The following EPHA3 variants were observed in gnomAD, a reference collection of about 807,000 sequenced individuals.
EPHA3 encodes the protein ephrin type-A receptor 3.
Under a neutral mutation model 107.1 loss-of-function variants are expected in EPHA3, and 42 were observed. The observed-to-expected ratio is 0.39, with a 90% CI of 0.31 to 0.51. EPHA3 has a LOEUF of 0.51. EPHA3 is among the 20% of genes least tolerant of loss of function. The pLI, the probability that EPHA3 is intolerant of heterozygous loss-of-function variation, is 0.78. For missense variants in EPHA3, 1,183 were observed against 1,211.2 expected (o/e 0.98, Z 0.35); for synonymous variants, 461 against 424.8 (o/e 1.09, Z -1.05).
intron 3 of EPHA3, among the ~76,000 whole-genome samples, chr3:89,225,174 T>G (rs1704474655): frequency 6.6e-6 from 1 of 152,176 alleles, no homozygotes; most frequent in African/African-American, 2.4e-5. Flanking sequence ...TTGCTATTAT[T>G]TATTCACTGG....
intron 9 of EPHA3, 45 bp downstream of exon 9, chr3:89,408,176 C>A: frequency 7.0e-6 from 11 of 1,580,806 alleles, no homozygotes; most frequent in Non-Finnish European, 9.5e-6. Context: ...ACCGTTTTAG[C>A]TTTAGCAGTT....
chr3:89,266,237 C>G (rs1705536127), intron 3 of EPHA3, among the ~76,000 whole-genome samples: 1 of 152,070 alleles, frequency 6.6e-6, no homozygotes, highest in South Asian at 2.1e-4. Flanking sequence ...CTGAAACCTA[C>G]AGTTCAAGTC....
At chr3:89,109,112 T>C (rs543485579) in intron 1 of EPHA3, among the ~76,000 whole-genome samples, 1 of 152,156 alleles carries the variant, frequency 6.6e-6, no homozygotes, top group Non-Finnish European at 1.5e-5. Flanking sequence ...CAGTAATTTA[T>C]CTCCTTCCTT....
chr3:89,434,203 ATTAT>A (rs550736069), intron 13 of EPHA3, among the ~76,000 whole-genome samples: 9 of 151,962 alleles, frequency 5.9e-5, no homozygotes, highest in Non-Finnish European at 8.8e-5. Flanking sequence ...GCCATATTAA[ATTAT>A]TTATTTATTT....
chr3:89,349,948 A>T (rs1314212836), intron 5 of EPHA3, among the ~76,000 whole-genome samples: 2 of 147,396 alleles, frequency 1.4e-5, no homozygotes. Flanking sequence ...ATTGGCCCCC[A>T]CTCTCTTCTG....
intron 3 of EPHA3, among the ~76,000 whole-genome samples, chr3:89,233,006 T>C (rs1447666907): frequency 1.3e-5 from 2 of 152,122 alleles, no homozygotes; most frequent in Non-Finnish European, 2.9e-5. Context: ...CCAAAAATAG[T>C]CAAGTTGAGG....
chr3:89,445,534 A>C (rs1043308268), intron 13 of EPHA3, among the ~76,000 whole-genome samples: 1 of 152,188 alleles, frequency 6.6e-6, no homozygotes, highest in Admixed American at 6.5e-5. Context: ...TAAATTACGG[A>C]AACATTTAAA....
chr3:89,384,755 T>C (rs1210457047), intron 5 of EPHA3, among the ~76,000 whole-genome samples: 1 of 152,172 alleles, frequency 6.6e-6, no homozygotes, highest in Admixed American at 6.5e-5. Flanking sequence ...TCATATGATA[T>C]ATGTAAAGAA....
chr3:89,472,134 C>T (rs1183067143), intron 15 of EPHA3, among the ~76,000 whole-genome samples: 1 of 152,096 alleles, frequency 6.6e-6, no homozygotes, highest in Non-Finnish European at 1.5e-5. Context: ...CTACTGTAAC[C>T]GTATCCTAAA....
chr3:89,208,771 A>G (rs1475409040), intron 2 of EPHA3, among the ~76,000 whole-genome samples: 2 of 152,188 alleles, frequency 1.3e-5, no homozygotes, highest in African/African-American at 2.4e-5. Context: ...AAAAATTAAC[A>G]TGTGGTTTAG....
At chr3:89,231,201 G>A (rs2107225203) in intron 3 of EPHA3, among the ~76,000 whole-genome samples, 1 of 152,080 alleles carries the variant, frequency 6.6e-6, no homozygotes, top group Middle Eastern at 3.4e-3. Context: ...CTATTTACCT[G>A]CCATTTCTCT....
chr3:89,146,986 C>A (rs9843199), intron 2 of EPHA3, among the ~76,000 whole-genome samples: 35,314 of 151,646 alleles, frequency 0.23, 4,232 homozygotes, highest in Middle Eastern at 0.33. Flanking sequence ...TATATATACA[C>A]AATGGAATAC....
intron 3 of EPHA3, among the ~76,000 whole-genome samples, chr3:89,267,510 C>T (rs1021732409): frequency 2.6e-5 from 4 of 152,104 alleles, no homozygotes; most frequent in Admixed American, 2.0e-4. Context: ...CAAGTCACAG[C>T]CCTGCCATTC....
chr3:89,278,493 C>T (rs1250176699), intron 3 of EPHA3, among the ~76,000 whole-genome samples: 1 of 152,166 alleles, frequency 6.6e-6, no homozygotes, highest in Non-Finnish European at 1.5e-5. Flanking sequence ...TCCAGTGTTT[C>T]ATGGGGCGAA....
intron 5 of EPHA3, among the ~76,000 whole-genome samples, chr3:89,366,390 A>G (rs2107464580): frequency 6.6e-6 from 1 of 150,930 alleles, no homozygotes; most frequent in East Asian, 2.0e-4. Flanking sequence ...ACCATTGATC[A>G]AGATCAAAAA....
chr3:89,420,516 T>C, intron 11 of EPHA3, among the ~76,000 whole-genome samples: 1 of 151,516 alleles, frequency 6.6e-6, no homozygotes, highest in Middle Eastern at 3.2e-3. Flanking sequence ...GCTTTTTATT[T>C]GTTTGCCTAT....
intron 1 of EPHA3, among the ~76,000 whole-genome samples, chr3:89,108,648 A>G (rs1021991555): frequency 7.2e-5 from 11 of 152,322 alleles, no homozygotes; most frequent in African/African-American, 2.2e-4. Flanking sequence ...CCTTGTAATG[A>G]GCATTAATTC....
rs1371960146 is a variant in EPHA3 at position 89,211,802 on chromosome 3, T to C, written c.814+1282T>C. 7.6e-3 allele frequency among the ~76,000 whole-genome samples: 722 copies of C among 95,252 alleles called. 8 individuals are homozygous for C. Among genetic ancestry groups the C allele is most frequent in the African/African-American group, 0.025 (536 of 21,362 alleles). 62.5% of individuals were successfully genotyped at this position (95,252 alleles called of 152,430 possible). A position where few individuals can be genotyped will look rare whatever the true frequency, so the allele number is the denominator to read the frequency against. On this transcript the variant is annotated intron_variant, in intron 3 of 16. Coordinates refer to ENST00000336596, the MANE Select transcript of EPHA3 (RefSeq NM_005233.6). ...TTCTTCTTCTTCTTCTTCTTCTTCT[T>C]CTTCTTCTTCTTCTTCTCCTTCTCC...
chr3:89,472,207 G>C (rs1710415350), intron 15 of EPHA3, among the ~76,000 whole-genome samples: 1 of 152,174 alleles, frequency 6.6e-6, no homozygotes, highest in Non-Finnish European at 1.5e-5. Flanking sequence ...ATATATTTAT[G>C]TCTTTCACTG....
Sources: gnomAD v4.1 joint callset for allele counts (sites outside exome capture counted in the v4.1 genomes callset) on GRCh38, gnomAD v4.1.1 for gene constraint, MANE v1.5 for transcripts, NCBI Gene and HGNC (gene_info 2026-07-23, HGNC 2026-07-21) for gene names.